The following SSC5D variants were observed in gnomAD, a reference collection of about 807,000 sequenced individuals.
SSC5D encodes soluble scavenger receptor cysteine-rich domain-containing protein SSC5D.
SSC5D carries 106 observed loss-of-function variants against 104.6 expected under a neutral mutation model. The observed-to-expected ratio is 1.01, with a 90% CI of 0.87 to 1.19. The LOEUF (loss-of-function observed/expected upper bound fraction) is 1.19, where lower values mean the gene tolerates loss of function less well. Among genes scored for constraint, SSC5D ranks in the 50% most tolerant of loss-of-function variants. The pLI is 0.00. For missense variants in SSC5D, 1,993 were observed against 2,153.8 expected, an observed-to-expected ratio of 0.93 and a Z score of 1.48; for synonymous variants, 860 against 883.5, an observed-to-expected ratio of 0.97 and a Z score of 0.47.
chr19:55,503,256 C>T lies in SSC5D; in HGVS notation c.2785+2055C>T, dbSNP rs1373835732. 6.6e-6 allele frequency among the ~76,000 whole-genome samples: 1 copy of T among 152,122 alleles called. No individual in the cohort carries two copies. Among genetic ancestry groups the T allele is most frequent in the African/African-American group, 2.4e-5 (1 of 41,416 alleles). On this transcript the variant is annotated intron_variant, in intron 12 of 13. Transcript: ENST00000389623. The surrounding 1 kb of genome is among the most constrained non-coding windows in gnomAD (Gnocchi z 4.0). ...GGGCCCAAACTGTTTCTGTATCTTC[C>T]GTCCTCTTGTCTTTCACTTTCAGTT...
chr19:55,517,567 G>A lies in SSC5D; in HGVS notation c.3291G>A (p.Glu1097=). Residue 1097 remains glutamate, a synonymous_variant, in exon 14 of 14, where the codon GAG becomes GAA. Coordinates refer to ENST00000389623, the MANE Select transcript of SSC5D (RefSeq NM_001144950.2). Reference sequence around the variant, plus strand: ...CGCCCTTACCCACCTTGCCCAAAGAGCTGACCTCTGACCCTTCTACACCGT... The same window carrying A: ...CGCCCTTACCCACCTTGCCCAAAGAACTGACCTCTGACCCTTCTACACCGT... ...SPTPLPTLPK[E]LTSDPSTPSE... 1 of 1,551,490 alleles carries A rather than the reference G, an allele frequency of 6.4e-7. No individual in the cohort carries two copies. Among genetic ancestry groups the A allele is most frequent in the East Asian group, 2.4e-5 (1 of 40,894 alleles).
At chr19:55,514,349 G>A (rs12975927) in intron 13 of SSC5D, among the ~76,000 whole-genome samples, 110,365 of 148,394 alleles carry the variant, frequency 0.74, 41,410 homozygotes, top group South Asian at 0.8. Context: ...AGCTTGCAGT[G>A]AGCCGAGATT....
At position 55,513,092 on chromosome 19, in the gene SSC5D, G is replaced by C; in HGVS notation, c.2867G>C (p.Gly956Ala). Residue 956 changes from glycine (G) to alanine (A), a missense_variant, in exon 13 of 14, where the codon GGC becomes GCC. Around this residue, in one of 6 missense-constraint regions of SSC5D, gnomAD observed 423 missense variants for 409.2 expected, o/e 1.03. Coordinates refer to ENST00000389623, the MANE Select transcript of SSC5D (RefSeq NM_001144950.2). ...CTGGCTGAGGGGACCCCTACCGCAG[G>C]CAAACTAGGACCAACTCTTGGGGCT... Reference protein sequence around the residue: ...RGLAEGTPTAGKLGPTLGAGT... With the variant: ...RGLAEGTPTAAKLGPTLGAGT... 2 of 1,550,584 alleles carry C rather than the reference G, an allele frequency of 1.3e-6. No homozygotes were observed. Among genetic ancestry groups the C allele is most frequent in the Non-Finnish European group, 1.7e-6 (2 of 1,146,324 alleles).
At position 55,489,869 on chromosome 19, in the gene SSC5D, C is replaced by T. The variant is rs1382293757; in HGVS notation, c.362-13C>T. The T allele has an allele frequency of 4.5e-6, 7 of 1,543,074 alleles. No homozygotes were observed. Among genetic ancestry groups the T allele is most frequent in the African/African-American group, 1.4e-5 (1 of 72,772 alleles). ...CTCTCCTCATAGCTTCTGTCCCTGCCCCCCCGCCGCAGGTCAGCGTGTGGC... is the reference window on the plus strand; with the variant it reads ...CTCTCCTCATAGCTTCTGTCCCTGCTCCCCCGCCGCAGGTCAGCGTGTGGC... On this transcript the variant is annotated splice_polypyrimidine_tract_variant and intron_variant, in intron 3 of 13. Coordinates refer to ENST00000389623, the MANE Select transcript of SSC5D (RefSeq NM_001144950.2).
At chr19:55,493,481 A>G in intron 6 of SSC5D, 114 bp from the exon 7 acceptor site, 1 of 940,280 alleles carries the variant, frequency 1.1e-6, no homozygotes, top group Non-Finnish European at 1.5e-6. Context: ...GATAGTGAAG[A>G]TGGAATATTT....
In SSC5D at chr19:55,499,932, G is replaced by C; in HGVS notation, c.1822G>C (p.Val608Leu). Residue 608 changes from valine to leucine, a missense_variant, in exon 10 of 14, where the codon GTG becomes CTG. Around this residue, in one of 6 missense-constraint regions of SSC5D, gnomAD observed 1,101 missense variants for 1,085.0 expected, o/e 1.01. Coordinates refer to ENST00000389623, the MANE Select transcript of SSC5D (RefSeq NM_001144950.2). Reference sequence around the variant, plus strand: ...GCTGGCCACCAAGCCCTCTGCAAGTGTGACTGCCAGTGTTCTGGAGAAAAC... The same window carrying C: ...GCTGGCCACCAAGCCCTCTGCAAGTCTGACTGCCAGTGTTCTGGAGAAAAC... ...GELATKPSAS[V>L]TASVLEKTTT... 1.3e-6 allele frequency: 2 copies of C among 1,551,900 alleles called. No homozygotes were observed. The highest frequency in any genetic ancestry group is 1.7e-6 in the Non-Finnish European group (2 of 1,147,064).
chr19:55,495,899 CTAT>C (rs1987314456), intron 8 of SSC5D, among the ~76,000 whole-genome samples: 2 of 129,518 alleles, frequency 1.5e-5, no homozygotes, highest in African/African-American at 3.1e-5. Context: ...CCGAGCCTGG[CTAT>C]TTTTTTTTTT....
rs1599909203 is a variant in SSC5D at position 55,488,996 on chromosome 19, T to A, written c.26-10T>A. The A allele has an allele frequency of 7.0e-7, 1 of 1,434,356 alleles. No homozygotes were observed. The highest frequency in any genetic ancestry group is 9.2e-7 in the Non-Finnish European group (1 of 1,087,450). 88.9% of individuals were successfully genotyped at this position (1,434,356 alleles called of 1,614,324 possible). A position where few individuals can be genotyped will look rare whatever the true frequency, so the allele number is the denominator to read the frequency against. ...CCTCACACTGCCCCACCCTCCGCCCTCCCTTCCAGCGGCCCTGGTGGGGAT... is the reference window on the plus strand; with the variant it reads ...CCTCACACTGCCCCACCCTCCGCCCACCCTTCCAGCGGCCCTGGTGGGGAT... On this transcript the variant is annotated splice_polypyrimidine_tract_variant and intron_variant, in intron 1 of 13. Transcript: ENST00000389623.
Position 55,518,593 on chromosome 19 carries a change from C to T in SSC5D, c.4317C>T (p.Asp1439=). The part of the protein sequence containing the change: ...HSASDLTVSP[D]PLLSPTAHPL... The stretch of plus-strand genomic sequence containing the variant: ...CCTCTGACCTTACTGTGTCCCCTGA[C>T]CCCCTCCTTTCCCCCACAGCCCACC... The change falls in exon 14 of 14, where the codon GAC becomes GAT. Residue 1439 remains aspartate (D), a synonymous_variant. Transcript: ENST00000389623. 8 of 1,535,772 alleles carry T rather than the reference C, an allele frequency of 5.2e-6. No individual in the cohort carries two copies. In the Admixed American group the frequency reaches 1.4e-4, roughly 27 times the overall value.
chr19:55,493,995 T>TGGGGGGGGGGGGGGCCCCCCCCCC, intron 7 of SSC5D, 83 bp downstream of exon 7: 1 of 206,968 alleles, frequency 4.8e-6, no homozygotes, highest in South Asian at 2.8e-5. Context: ...GGCGGGGGGG[T>TGGGGGGGGGGGGGGCCCCCCCCCC]CCCTACGCGC....
rs560855824 is a variant in SSC5D, at chr19:55,490,303, C to T, written c.481C>T (p.Arg161Cys). 4.2e-4 allele frequency: 477 copies of T among 1,147,076 alleles called. 4 individuals carry two copies. The African/African-American group carries it at 5.4e-3, about 13-fold the overall frequency. 71.1% of individuals were successfully genotyped at this position (1,147,076 alleles called of 1,614,324 possible). The part of the protein sequence containing the change: ...TEEPLVTHAP[R>C]PAGNPQNASR... ...CTGGCTGTCTCCACTCCCAGCCCCC[C>T]GCCCAGCTGGGAACCCCCAGAACGC... The change falls in exon 5 of 14, where the codon CGC (arginine) becomes TGC (cysteine). Residue 161 changes from arginine to cysteine, a missense_variant. This residue lies in a region of SSC5D where 1,101 missense variants were observed against 1,085.0 expected (regional missense o/e 1.01). Coordinates refer to ENST00000389623, the MANE Select transcript of SSC5D (RefSeq NM_001144950.2).
At chr19:55,514,171 T>C (rs1425206143) in intron 13 of SSC5D, among the ~76,000 whole-genome samples, 5 of 151,992 alleles carry the variant, frequency 3.3e-5, no homozygotes, top group East Asian at 3.9e-4. Flanking sequence ...TTTGGGAGGC[T>C]GAGGCGGGCA....
At chr19:55,516,306 G>A (rs1987868987) in intron 13 of SSC5D, among the ~76,000 whole-genome samples, 1 of 152,130 alleles carries the variant, frequency 6.6e-6, no homozygotes, top group Non-Finnish European at 1.5e-5. Context: ...GACCATCCTG[G>A]CCAACACGGT....
rs1239654080 is a variant in SSC5D, at chr19:55,500,726, T to C, written c.2539T>C (p.Ser847Pro). ...CATGGGCTGTAAGGGAAGCGAGGCC[T>C]CACTGAGCGACTGCCCCTCGGGGGC... ...DDMGCKGSEA[S>P]LSDCPSGAWG... The change falls in exon 11 of 14, where the codon TCA (serine) becomes CCA (proline). Residue 847 changes from serine (S) to proline (P), a missense_variant. Coordinates refer to ENST00000389623, the MANE Select transcript of SSC5D (RefSeq NM_001144950.2). The surrounding 1 kb of genome is among the most constrained non-coding windows in gnomAD (Gnocchi z 4.6). 3 of 1,551,510 alleles carry C rather than the reference T, an allele frequency of 1.9e-6. No homozygotes were observed. The highest frequency in any genetic ancestry group is 2.6e-6 in the Non-Finnish European group (3 of 1,146,998).
At chr19:55,509,585 G>A (rs1014944801) in intron 12 of SSC5D, among the ~76,000 whole-genome samples, 3 of 149,244 alleles carry the variant, frequency 2.0e-5, no homozygotes, top group South Asian at 4.2e-4. Context: ...TTTCCAAGAC[G>A]GAGTCTCACG....
At position 55,489,906 on chromosome 19, in the gene SSC5D, A is replaced by G. The variant is rs1987083850; in HGVS notation, c.386A>G (p.Asp129Gly). The change falls in exon 4 of 14, where the codon GAC (aspartate) becomes GGC (glycine). Residue 129 changes from aspartate (D) to glycine (G), a missense_variant. Transcript: ENST00000389623. ...GGTCAGCGTGTGGCTAACTCCAGGG[A>G]CGACTCAACATCTCCCCTGGATGGG... ...CAGQRVANSR[D>G]DSTSPLDGAP... 1.3e-6 allele frequency: 2 copies of G among 1,546,608 alleles called. No individual in the cohort carries two copies. The highest frequency in any genetic ancestry group is 1.4e-5 in the African/African-American group (1 of 71,544).
At position 55,518,755 on chromosome 19, in the gene SSC5D, G is replaced by T. The variant is rs1987954320; in HGVS notation, c.4479G>T (p.Leu1493=). 1 of 1,550,876 alleles carries T rather than the reference G, an allele frequency of 6.4e-7. No individual in the cohort carries two copies. The highest frequency in any genetic ancestry group is 1.4e-5 in the African/African-American group (1 of 73,168). ...MACEPPALVE[L]VAAVRDVGGQ... ...GTGAGCCACCTGCCCTGGTGGAGCT[G>T]GTGGCTGCTGTGAGGGATGTGGGTG... Residue 1493 remains leucine (L), a synonymous_variant, in exon 14 of 14, where the codon CTG becomes CTT. Transcript: ENST00000389623.
chr19:55,491,444 C>T (rs575089064), intron 6 of SSC5D: 23 of 221,686 alleles, frequency 1.0e-4, no homozygotes, highest in Non-Finnish European at 1.4e-4. Context: ...CCTCTGCCAC[C>T]GGGCTGGCCA....
rs1428178250 is a variant in SSC5D at position 55,495,249 on chromosome 19, T to A, written c.1387+466T>A. On this transcript the variant is annotated intron_variant, in intron 8 of 13. Coordinates refer to ENST00000389623, the MANE Select transcript of SSC5D (RefSeq NM_001144950.2). The stretch of plus-strand genomic sequence containing the variant: ...TATATATATATTTTTTTTTTTTTTT[T>A]TTTTTTTTTTTGAGAGTGGATTTAA... Among the ~76,000 whole-genome samples, 31 of 46,418 alleles carry A rather than the reference T, an allele frequency of 6.7e-4. 4 individuals are homozygous for A. The highest frequency in any genetic ancestry group is 1.9e-3 in the African/African-American group (27 of 14,380). The allele number at this position is 46,418 out of a possible 152,430, so 30.5% of individuals were successfully genotyped here.
Sources: gnomAD v4.1 joint callset for allele counts (sites outside exome capture counted in the v4.1 genomes callset) on GRCh38, gnomAD v4.1.1 for gene constraint, gnomAD v4.1.1 regional missense constraint, Gnocchi (gnomAD v3.1) non-coding constraint, MANE v1.5 for transcripts, NCBI Gene and HGNC (gene_info 2026-07-23, HGNC 2026-07-21) for gene names.